The following LRCH3 variants were observed in gnomAD, a reference collection of about 807,000 sequenced individuals.
LRCH3 encodes the protein leucine rich repeats and calponin homology domain containing 3.
LRCH3 carries 68 observed loss-of-function variants against 104.5 expected under a neutral mutation model. The observed-to-expected ratio is 0.65, with a 90% CI of 0.54 to 0.80. LRCH3 has a LOEUF of 0.80. Among genes scored for constraint, LRCH3 ranks in the 30% least tolerant of loss-of-function variants. The pLI is 0.00. For synonymous variants in LRCH3, 344 were observed against 361.3 expected, an observed-to-expected ratio of 0.95 and a Z score of 0.54; for missense variants, 951 against 953.9, an observed-to-expected ratio of 1.00 and a Z score of 0.04.
chr3:197,798,803 G>C (rs1025892305), intron 1 of LRCH3, among the ~76,000 whole-genome samples: 1 of 152,180 alleles, frequency 6.6e-6, no homozygotes, highest in Non-Finnish European at 1.5e-5. Context: ...GTACTGTGTA[G>C]TATGGTAGCA....
At chr3:197,833,691 C>A (rs1246795331) in intron 8 of LRCH3, among the ~76,000 whole-genome samples, 2 of 151,942 alleles carry the variant, frequency 1.3e-5, no homozygotes, top group Non-Finnish European at 2.9e-5. Flanking sequence ...ACATATTAGA[C>A]AATGTAAAAT....
chr3:197,824,655 C>T (rs569077265), intron 4 of LRCH3, among the ~76,000 whole-genome samples: 1 of 150,450 alleles, frequency 6.6e-6, no homozygotes, highest in African/African-American at 2.5e-5. Context: ...TAACCTCTGC[C>T]CCCCCGTCCC....
chr3:197,881,518 T>A, intron 20 of LRCH3: 2 of 985,456 alleles, frequency 2.0e-6, no homozygotes, highest in Non-Finnish European at 2.4e-6. Context: ...AATTTGGAAT[T>A]TATGTGATTT....
chr3:197,877,613 G>A (rs1252932626), intron 20 of LRCH3, among the ~76,000 whole-genome samples: 10 of 152,174 alleles, frequency 6.6e-5, no homozygotes, highest in Non-Finnish European at 1.0e-4. Context: ...CTAGCCAGGA[G>A]TTGACTAGGC....
intron 2 of LRCH3, among the ~76,000 whole-genome samples, chr3:197,816,438 G>A (rs748780769): frequency 5.9e-5 from 9 of 151,926 alleles, no homozygotes; most frequent in Admixed American, 3.3e-4. Context: ...ATGCCTCCAC[G>A]CCCGGCTAAT....
At chr3:197,860,916 C>T (rs558627373) in intron 15 of LRCH3, among the ~76,000 whole-genome samples, 7 of 151,736 alleles carry the variant, frequency 4.6e-5, no homozygotes, top group African/African-American at 7.3e-5. Context: ...TCCCAGCCTC[C>T]GGTAACCCTC....
Position 197,852,595 on chromosome 3 carries a change from C to G in LRCH3, c.1565C>G (p.Pro522Arg), listed in dbSNP as rs36078463. 3.7e-6 allele frequency: 6 copies of G among 1,613,896 alleles called. No homozygotes were observed. Among genetic ancestry groups the G allele is most frequent in the Non-Finnish European group, 5.1e-6 (6 of 1,179,936 alleles). Reference protein sequence around the residue: ...KASQSPQKQHPLLDGVDGECP... With the variant: ...KASQSPQKQHRLLDGVDGECP... ...TCACAAAGTCCACAAAAACAGCACC[C>G]GCTCCTAGATGGCGTAGATGGTGAG... Residue 522 changes from proline to arginine, a missense_variant, in exon 13 of 21, where the codon CCG (proline) becomes CGG (arginine). Pro to Arg is a moderately radical substitution (Grantham distance 103). Coordinates refer to ENST00000425562, the MANE Select transcript of LRCH3 (RefSeq NM_001365715.1).
At chr3:197,863,515 T>C (rs1284936857) in intron 15 of LRCH3, among the ~76,000 whole-genome samples, 6 of 152,208 alleles carry the variant, frequency 3.9e-5, no homozygotes, top group Middle Eastern at 3.2e-3. Flanking sequence ...CACCTCAGCC[T>C]CCCAAAGTGT....
intron 4 of LRCH3, among the ~76,000 whole-genome samples, chr3:197,825,510 T>C (rs1440587222): frequency 5.3e-5 from 7 of 131,130 alleles, no homozygotes; most frequent in Admixed American, 7.9e-5. Context: ...GACAGAGTCT[T>C]GCTCTGTCTC....
chr3:197,842,714 G>A (rs1401275016), intron 10 of LRCH3, among the ~76,000 whole-genome samples: 2 of 152,142 alleles, frequency 1.3e-5, no homozygotes, highest in African/African-American at 4.8e-5. Flanking sequence ...TGAATGTTTT[G>A]TAGTATTTGC....
In LRCH3 at chr3:197,886,937, A is replaced by C. The variant is rs1411630115; in HGVS notation, c.*3271A>C. 4 of 152,218 alleles carry C rather than the reference A, an allele frequency of 2.6e-5. No individual in the cohort carries two copies. Among genetic ancestry groups the C allele is most frequent in the Admixed American group, 6.5e-5 (1 of 15,286 alleles). 9.4% of individuals were successfully genotyped at this position (152,218 alleles called of 1,614,324 possible). On this transcript the variant is annotated 3_prime_UTR_variant, in exon 21 of 21. Coordinates refer to ENST00000425562, the MANE Select transcript of LRCH3 (RefSeq NM_001365715.1). ...CCCATAGGGATAAATGGAAATTTCA[A>C]CTTATTTCAAATTTTGCACATATTA...
intron 9 of LRCH3, among the ~76,000 whole-genome samples, chr3:197,839,038 TA>T (rs1210987187): frequency 1.3e-5 from 2 of 152,186 alleles, no homozygotes; most frequent in African/African-American, 4.8e-5. Flanking sequence ...TATTATTCAG[TA>T]AATATTACTG....
At chr3:197,838,816 C>T (rs752451232) in intron 9 of LRCH3, among the ~76,000 whole-genome samples, 2 of 152,028 alleles carry the variant, frequency 1.3e-5, no homozygotes, top group Non-Finnish European at 2.9e-5. Flanking sequence ...TCTTGATATT[C>T]ACCGACACAC....
rs1043428107 is a variant in LRCH3, at chr3:197,871,372, A to G, written c.2040A>G (p.Ala680=). 4 of 1,614,102 alleles carry G rather than the reference A, an allele frequency of 2.5e-6. No homozygotes were observed. The highest frequency in any genetic ancestry group is 3.4e-6 in the Non-Finnish European group (4 of 1,179,994). Residue 680 remains alanine, a synonymous_variant, in exon 19 of 21, where the codon GCA becomes GCG. Coordinates refer to ENST00000425562, the MANE Select transcript of LRCH3 (RefSeq NM_001365715.1). ...TGTCTCTACCTTGTGATCTCGGAGCAGCTCTAACTGACGGTGTTGTTCTTT... is the reference window on the plus strand; with the variant it reads ...TGTCTCTACCTTGTGATCTCGGAGCGGCTCTAACTGACGGTGTTGTTCTTT... ...LKVSLPCDLG[A]ALTDGVVLCH...
intron 1 of LRCH3, among the ~76,000 whole-genome samples, chr3:197,797,463 C>T (rs745884627): frequency 4.0e-5 from 6 of 151,670 alleles, no homozygotes; most frequent in Non-Finnish European, 8.8e-5. Flanking sequence ...ACTGTCAACT[C>T]AGGGAGATAC....
Position 197,827,030 on chromosome 3 carries a change from A to G in LRCH3, c.777+16A>G. 1 of 1,555,352 alleles carries G rather than the reference A, an allele frequency of 6.4e-7. No individual in the cohort carries two copies. The highest frequency in any genetic ancestry group is 8.6e-7 in the Non-Finnish European group (1 of 1,156,128). On this transcript the variant is annotated intron_variant, in intron 5 of 20. Transcript: ENST00000425562. Reference sequence around the variant, plus strand: ...TCCTGCACAGGTAAACCATAGTGGAAGCATCAGGTAAACCATGGTGGAAGC... The same window carrying G: ...TCCTGCACAGGTAAACCATAGTGGAGGCATCAGGTAAACCATGGTGGAAGC...
chr3:197,853,718 T>A (rs1739924661), intron 13 of LRCH3, among the ~76,000 whole-genome samples: 1 of 152,230 alleles, frequency 6.6e-6, no homozygotes, highest in Admixed American at 6.5e-5. Flanking sequence ...TTAAAAAGTT[T>A]TATCAGACAT....
At chr3:197,813,510 A>ATTTTTTTTTTTT (rs57062885) in intron 1 of LRCH3, among the ~76,000 whole-genome samples, 4 of 66,032 alleles carry the variant, frequency 6.1e-5, no homozygotes, top group African/African-American at 1.4e-4. Flanking sequence ...GAGGCATATA[A>ATTTTTTTTTTTT]TTTTTTTTTT....
chr3:197,846,337 G>T (rs916290727), intron 10 of LRCH3, among the ~76,000 whole-genome samples: 2 of 141,316 alleles, frequency 1.4e-5, no homozygotes, highest in Admixed American at 7.3e-5. Flanking sequence ...CCAGGAGGTC[G>T]AATCTGCAGT....
Sources: gnomAD v4.1 joint callset for allele counts (sites outside exome capture counted in the v4.1 genomes callset) on GRCh38, gnomAD v4.1.1 for gene constraint, MANE v1.5 for transcripts, NCBI Gene and HGNC (gene_info 2026-07-23, HGNC 2026-07-21) for gene names.